LIN54: variants seen among roughly 807,000 people sequenced by gnomAD.
LIN54 encodes the protein lin-54 DREAM MuvB core complex component.
LIN54 carries 9 observed loss-of-function variants against 78.7 expected under a neutral mutation model. That is an observed-to-expected ratio of 0.11 (90% CI 0.07 to 0.20). The LOEUF (loss-of-function observed/expected upper bound fraction) is 0.20. Ranked by LOEUF, LIN54 falls within the 10% of genes least tolerant of loss-of-function variation. The pLI is 1.00. For synonymous variants in LIN54, 269 were observed against 318.4 expected (o/e 0.84, Z 1.65); for missense variants, 573 against 889.9 (o/e 0.64, Z 4.53).
intron 4 of LIN54, among the ~76,000 whole-genome samples, chr4:82,963,703 C>T (rs1013792701): frequency 2.6e-5 from 4 of 150,964 alleles, no homozygotes; most frequent in Non-Finnish European, 5.9e-5. Context: ...AATCTTTGTA[C>T]TTATAACAAG....
At chr4:82,997,216 T>C (rs1423096996) in intron 1 of LIN54, among the ~76,000 whole-genome samples, 2 of 152,094 alleles carry the variant, frequency 1.3e-5, no homozygotes, top group Non-Finnish European at 2.9e-5. Context: ...ACATTGGACT[T>C]TGAAAATAAC....
In LIN54 at chr4:83,010,520, G is replaced by C. The variant is rs1333816579; in HGVS notation, c.-69C>G. 2.7e-6 allele frequency: 3 copies of C among 1,120,002 alleles called. No homozygotes were observed. Among genetic ancestry groups the C allele is most frequent in the Non-Finnish European group, 3.3e-6 (3 of 916,790 alleles). The allele number at this position is 1,120,002 out of a possible 1,614,324, so 69.4% of individuals were successfully genotyped here. ...GCCGCTTTCTCCTCCCTCGGGCTCC[G>C]AGGTAGGGGCTCCAGAAGGTCCTGG... is the stretch of plus-strand genomic sequence containing the variant. On this transcript the variant is annotated 5_prime_UTR_variant, in exon 1 of 13. Coordinates refer to ENST00000340417, the MANE Select transcript of LIN54 (RefSeq NM_194282.4).
Position 83,006,803 on chromosome 4 carries a change from G to A in LIN54, c.-33+3681C>T, listed in dbSNP as rs541360336. Among the ~76,000 whole-genome samples the A allele has an allele frequency of 3.9e-5, 6 of 152,234 alleles. No homozygotes were observed. In the East Asian group the frequency reaches 9.6e-4, roughly 24 times the overall value. On this transcript the variant is annotated intron_variant, in intron 1 of 12. Coordinates refer to ENST00000340417, the MANE Select transcript of LIN54 (RefSeq NM_194282.4). ...AGTCTTTGCTACATGATAATTACAT[G>A]AATTTCACAATGTATTTCAAAGGGT...
At chr4:82,983,583 C>A (rs1363222436) in intron 2 of LIN54, among the ~76,000 whole-genome samples, 1 of 152,098 alleles carries the variant, frequency 6.6e-6, no homozygotes, top group Non-Finnish European at 1.5e-5. Context: ...AAGATAGAGG[C>A]AACTCAAGCC....
chr4:82,999,314 T>G (rs1365174768), intron 1 of LIN54, among the ~76,000 whole-genome samples: 2 of 152,124 alleles, frequency 1.3e-5, no homozygotes, highest in East Asian at 3.8e-4. Flanking sequence ...TACATTGAGG[T>G]CTACAGCTGC....
chr4:82,936,558 AG>A (rs1722407823), intron 9 of LIN54, among the ~76,000 whole-genome samples, 177 bp from the exon 10 acceptor site: 1 of 152,206 alleles, frequency 6.6e-6, no homozygotes, highest in African/African-American at 2.4e-5. Context: ...CCACATACTA[AG>A]GCTCAAAGTT....
At chr4:82,963,580 G>A (rs964605375) in intron 4 of LIN54, among the ~76,000 whole-genome samples, 5 of 151,914 alleles carry the variant, frequency 3.3e-5, no homozygotes, top group Admixed American at 6.6e-5. Context: ...GGGAGAAATC[G>A]GAAACACTCT....
Position 82,969,494 on chromosome 4 carries a change from AC to A in LIN54, c.951+832del, listed in dbSNP as rs1725472323. Among the ~76,000 whole-genome samples, 3 of 152,326 alleles carry A rather than the reference AC, an allele frequency of 2.0e-5. No individual in the cohort carries two copies. The South Asian group carries it at 6.2e-4, about 32-fold the overall frequency. On this transcript the variant is annotated intron_variant, in intron 4 of 12. Coordinates refer to ENST00000340417, the MANE Select transcript of LIN54 (RefSeq NM_194282.4). ...GAAAAAGTTATGCAGGTAGAATTTG[AC>A]CTTAATAAACTGTATGAGATAACAT...
intron 5 of LIN54, among the ~76,000 whole-genome samples, chr4:82,943,650 CT>C (rs1415885174): frequency 6.6e-6 from 1 of 151,626 alleles, no homozygotes; most frequent in Admixed American, 6.6e-5. Context: ...ATGTATGTGG[CT>C]GGGTGGGAAG....
In LIN54 at chr4:82,953,295, G is replaced by A. The variant is rs568778671; in HGVS notation, c.952-6821C>T. Reference sequence around the variant, plus strand: ...TTGTGCCAGCATGCAAGACTGGAACGGGGAGTGACTGTTTAAAGGATATAG... The same window carrying A: ...TTGTGCCAGCATGCAAGACTGGAACAGGGAGTGACTGTTTAAAGGATATAG... On this transcript the variant is annotated intron_variant, in intron 4 of 12. Transcript: ENST00000340417. Among the ~76,000 whole-genome samples the A allele has an allele frequency of 4.6e-5, 7 of 152,288 alleles. No individual in the cohort carries two copies. In the East Asian group the frequency reaches 5.8e-4, roughly 13 times the overall value.
intron 9 of LIN54, among the ~76,000 whole-genome samples, chr4:82,936,593 T>G (rs1427527319): frequency 6.6e-6 from 1 of 152,206 alleles, no homozygotes; most frequent in Non-Finnish European, 1.5e-5. Context: ...ACTAGAAATG[T>G]GGCCTAAAAA....
At chr4:82,939,122 A>G (rs952949445) in intron 7 of LIN54, among the ~76,000 whole-genome samples, 1 of 152,228 alleles carries the variant, frequency 6.6e-6, no homozygotes. Context: ...TCACCTGGAA[A>G]TGCATCTCAC....
At chr4:82,956,921 A>G (rs957134928) in intron 4 of LIN54, among the ~76,000 whole-genome samples, 1 of 152,154 alleles carries the variant, frequency 6.6e-6, no homozygotes, top group Non-Finnish European at 1.5e-5. Flanking sequence ...CACCATGCCC[A>G]GCCATTTCTA....
chr4:82,946,531 T>A, intron 4 of LIN54, 57 bp from the exon 5 acceptor site: 7 of 1,369,256 alleles, frequency 5.1e-6, no homozygotes, highest in Non-Finnish European at 7.3e-6. Context: ...TCCTACTATT[T>A]TTAATTTATA....
At chr4:82,952,759 T>C (rs1358146939) in intron 4 of LIN54, among the ~76,000 whole-genome samples, 1 of 152,156 alleles carries the variant, frequency 6.6e-6, no homozygotes, top group Non-Finnish European at 1.5e-5. Context: ...TGCATATATA[T>C]CCAATGGAAT....
chr4:82,966,376 A>G (rs1725199461), intron 4 of LIN54, among the ~76,000 whole-genome samples: 1 of 152,100 alleles, frequency 6.6e-6, no homozygotes, highest in Admixed American at 6.6e-5. Flanking sequence ...ACAAAAAATG[A>G]CAAACTCCTG....
chr4:83,003,417 G>A (rs1278415522), intron 1 of LIN54: 1 of 152,206 alleles, frequency 6.6e-6, no homozygotes, highest in African/African-American at 2.4e-5. Flanking sequence ...TATAAGCCAT[G>A]AGTTCTGATG....
chr4:82,984,415 T>C lies in LIN54; in HGVS notation c.430A>G (p.Thr144Ala). Reference protein sequence around the residue: ...KPDGQKLILTTLGKSGSPIVL... With the variant: ...KPDGQKLILTALGKSGSPIVL... ...ATTGGTGAACCAGACTTGCCCAAAG[T>C]TGTTAAAATTAACTTCTGTCCATCT... The change falls in exon 2 of 13, where the codon ACT becomes GCT. Residue 144 changes from threonine (T) to alanine (A), a missense_variant. This residue lies in a region of LIN54 where 183 missense variants were observed against 228.4 expected (regional missense o/e 0.80). Coordinates refer to ENST00000340417, the MANE Select transcript of LIN54 (RefSeq NM_194282.4). 1.9e-6 allele frequency: 3 copies of C among 1,614,252 alleles called. No individual in the cohort carries two copies. In the South Asian group the frequency reaches 3.3e-5, roughly 18 times the overall value.
Position 82,939,933 on chromosome 4 carries a change from C to A in LIN54, c.1198G>T (p.Val400Leu), listed in dbSNP as rs1722715966. 6.2e-7 allele frequency: 1 copy of A among 1,610,382 alleles called. No individual in the cohort carries two copies. The highest frequency in any genetic ancestry group is 1.3e-5 in the African/African-American group (1 of 74,696). Reference protein sequence around the residue: ...AKPVVVNTTPVRMSVPIVSAQ... With the variant: ...AKPVVVNTTPLRMSVPIVSAQ... ...GAGACAATTGGAACTGACATCCGCA[C>A]TGGGGTTGTATTAACAACCACTGGC... The change falls in exon 6 of 13, where the codon GTG (valine) becomes TTG (leucine). Residue 400 changes from valine (V) to leucine (L), a missense_variant. By Grantham distance (32) the Val-to-Leu change is conservative (BLOSUM62 1). Around this residue, in one of 6 missense-constraint regions of LIN54, gnomAD observed 199 missense variants for 260.9 expected, o/e 0.76. Coordinates refer to ENST00000340417, the MANE Select transcript of LIN54 (RefSeq NM_194282.4).
Sources: allele counts gnomAD v4.1 joint callset (sites outside exome capture counted in the v4.1 genomes callset), GRCh38; gene constraint gnomAD v4.1.1; regional missense constraint gnomAD v4.1.1; transcripts MANE v1.5; gene names NCBI Gene and HGNC (gene_info 2026-07-23, HGNC 2026-07-21).